The following NOL6 variants were observed in gnomAD, a reference collection of about 807,000 sequenced individuals.
NOL6 encodes nucleolar protein 6, also known as nucleolar RNA-associated protein.
NOL6 carries 33 observed loss-of-function variants against 131.7 expected under a neutral mutation model. That is an observed-to-expected ratio of 0.25 (90% confidence interval 0.19 to 0.33). The LOEUF (loss-of-function observed/expected upper bound fraction) is 0.33, where lower values mean the gene tolerates loss of function less well. Among genes scored for constraint, NOL6 ranks in the 10% least tolerant of loss-of-function variants. The pLI, the probability that NOL6 is intolerant of heterozygous loss-of-function variation, is 1.00. For missense variants in NOL6, 1,297 were observed against 1,494.5 expected (o/e 0.87, Z 2.18); for synonymous variants, 580 against 605.7 (o/e 0.96, Z 0.62).
intron 3 of NOL6, chr9:33,470,818 C>T (rs890831094): frequency 6.7e-6 from 1 of 150,110 alleles, no homozygotes; most frequent in Non-Finnish European, 1.5e-5. Flanking sequence ...AAATGGATCA[C>T]TTCACTACTT....
In NOL6 at chr9:33,462,562, T is replaced by G; in HGVS notation, c.*102A>C. 1.5e-6 allele frequency: 2 copies of G among 1,361,888 alleles called. No homozygotes were observed. The highest frequency in any genetic ancestry group is 2.7e-5 in the South Asian group (2 of 75,136). 84.4% of individuals were successfully genotyped at this position (1,361,888 alleles called of 1,614,324 possible). A position where few individuals can be genotyped will look rare whatever the true frequency, so the allele number is the denominator to read the frequency against. On this transcript the variant is annotated 3_prime_UTR_variant, in exon 26 of 26. Coordinates refer to ENST00000297990, the MANE Select transcript of NOL6 (RefSeq NM_022917.5). ...GCATGTTCAGCCAGCAGGCCCTCCA[T>G]GGAGGATTCATGTCCAAGGAGGGTG...
Position 33,468,959 on chromosome 9 carries a change from T to C in NOL6, c.1025A>G (p.Lys342Arg). 5 of 1,614,122 alleles carry C rather than the reference T, an allele frequency of 3.1e-6. No homozygotes were observed. Among genetic ancestry groups the C allele is most frequent in the Non-Finnish European group, 3.4e-6 (4 of 1,180,016 alleles). Residue 342 changes from lysine (K) to arginine (R), a missense_variant and splice_region_variant, in exon 7 of 26, where the codon AAG (lysine) becomes AGG (arginine). Coordinates refer to ENST00000297990, the MANE Select transcript of NOL6 (RefSeq NM_022917.5). ...GAGGCTGCGCCACCCCCAACTCACC[T>C]TGTCCAGCTCCCGCTGCCGCAGCCA... ...KVWLRQRELD[K>R]GQGGFTGFLV...
At position 33,464,926 on chromosome 9, in the gene NOL6, T is replaced by C. The variant is rs1231277874; in HGVS notation, c.2732A>G (p.Asp911Gly). ...LRFLFLVSTFDWKNNPLFVNL... is the reference protein window; with the variant it reads ...LRFLFLVSTFGWKNNPLFVNL... ...GACAAAGAGGGGGTTGTTCTTCCAA[T>C]CAAACGTTGATACCAAGAAAAGGAA... The change falls in exon 21 of 26, where the codon GAT (aspartate) becomes GGT (glycine). Residue 911 changes from aspartate to glycine, a missense_variant. By Grantham distance (94) the Asp-to-Gly change is moderately conservative (BLOSUM62 -1). Coordinates refer to ENST00000297990, the MANE Select transcript of NOL6 (RefSeq NM_022917.5). The C allele has an allele frequency of 3.7e-6, 6 of 1,613,822 alleles. No homozygotes were observed. In the Admixed American group the frequency reaches 1.0e-4, roughly 27 times the overall value.
At position 33,469,116 on chromosome 9, in the gene NOL6, G is replaced by A. The variant is rs1563880119; in HGVS notation, c.868C>T (p.Pro290Ser). 1 of 1,614,154 alleles carries A rather than the reference G, an allele frequency of 6.2e-7. No homozygotes were observed. The change falls in exon 7 of 26, where the codon CCA (proline) becomes TCA (serine). Residue 290 changes from proline (P) to serine (S), a missense_variant. Physicochemically the swap from Pro to Ser is moderately conservative, Grantham distance 74 (BLOSUM62 -1). Coordinates refer to ENST00000297990, the MANE Select transcript of NOL6 (RefSeq NM_022917.5). The stretch of plus-strand genomic sequence containing the variant: ...TTATAGCGGGGGGTAGGAGGCTCTG[G>A]GCTACCTGTGGGATGAAAAGGGAAG... ...RGQSPAGDGSPEPPTPRYNTW... is the reference protein window; with the variant it reads ...RGQSPAGDGSSEPPTPRYNTW...
rs200127192 is a variant in NOL6, at chr9:33,467,839, G to A, written c.1454C>T (p.Ala485Val). Residue 485 changes from alanine to valine, a missense_variant, in exon 12 of 26, where the codon GCG becomes GTG. Ala to Val is a moderately conservative substitution (Grantham distance 64). Transcript: ENST00000297990. The surrounding 1 kb of genome is among the most constrained non-coding windows in gnomAD (Gnocchi z 4.4). ...TGGCCAGAGCTTCAGCCGGTGGCACGCTGCCTGCAGGCGACTCAGTGGACG... is the reference window on the plus strand; with the variant it reads ...TGGCCAGAGCTTCAGCCGGTGGCACACTGCCTGCAGGCGACTCAGTGGACG... ...HLRPLSRLQA[A>V]CHRLKLWPEL... 1.3e-5 allele frequency: 20 copies of A among 1,596,364 alleles called. No individual in the cohort carries two copies. Among genetic ancestry groups the A allele is most frequent in the Admixed American group, 1.2e-4 (7 of 57,726 alleles).
In NOL6 at chr9:33,462,675, A is replaced by G. The variant is rs1453550719; in HGVS notation, c.3430T>C (p.Trp1144Arg). The stretch of plus-strand genomic sequence containing the variant: ...CTCCAGAGCTGGGATCACACAGTCC[A>G]CCTCTCACTTCGGGCCTCCACAGTC... Reference protein sequence around the residue: ...VQTVEARSERWTV With the variant: ...VQTVEARSERRTV The change falls in exon 26 of 26, where the codon TGG (tryptophan) becomes CGG (arginine). Residue 1144 changes from tryptophan to arginine, a missense_variant. Transcript: ENST00000297990. The G allele has an allele frequency of 1.2e-6, 2 of 1,613,800 alleles. No homozygotes were observed. Among genetic ancestry groups the G allele is most frequent in the Non-Finnish European group, 1.7e-6 (2 of 1,179,958 alleles).
Position 33,473,188 on chromosome 9 carries a change from G to A in NOL6, c.54+601C>T, listed in dbSNP as rs532372563. On this transcript the variant is annotated intron_variant, in intron 1 of 25. Transcript: ENST00000297990. Reference sequence around the variant, plus strand: ...AAATACTCACTGATGGAAGGAGCTAGAACCGACTGGACCCCAGAGGACACA... The same window carrying A: ...AAATACTCACTGATGGAAGGAGCTAAAACCGACTGGACCCCAGAGGACACA... Among the ~76,000 whole-genome samples, 3 of 152,266 alleles carry A rather than the reference G, an allele frequency of 2.0e-5. No individual in the cohort carries two copies. In the East Asian group the frequency reaches 5.8e-4, roughly 29 times the overall value.
At chr9:33,469,402 T>A (rs933621675) in intron 5 of NOL6, 61 bp from the exon 6 acceptor site, 1 of 1,610,306 alleles carries the variant, frequency 6.2e-7, no homozygotes, top group Non-Finnish European at 8.5e-7. Context: ...GGGCTCCCCA[T>A]CCTGTCCCCC....
Position 33,465,263 on chromosome 9 carries a change from G to T in NOL6, c.2625C>A (p.Ser875Arg). The T allele has an allele frequency of 6.3e-7, 1 of 1,597,698 alleles. No individual in the cohort carries two copies. Among genetic ancestry groups the T allele is most frequent in the Non-Finnish European group, 8.5e-7 (1 of 1,171,746 alleles). ...QLLGEGFADE[S>R]LDLVAAALFL... ...AAAGGGCAGCGGCCACCAGATCCAG[G>T]CTCTCATCAGCGAAACCCTCACCAA... Residue 875 changes from serine (S) to arginine (R), a missense_variant, in exon 20 of 26, where the codon AGC (serine) becomes AGA (arginine). Ser to Arg is a moderately radical substitution (Grantham distance 110). Coordinates refer to ENST00000297990, the MANE Select transcript of NOL6 (RefSeq NM_022917.5).
At chr9:33,466,505 C>G in intron 16 of NOL6, 64 bp downstream of exon 16, 2 of 1,612,124 alleles carry the variant, frequency 1.2e-6, no homozygotes, top group Non-Finnish European at 1.7e-6. Flanking sequence ...GTGGGGAATA[C>G]TGGGTGACTG....
At position 33,461,801 on chromosome 9, in the gene NOL6, A is replaced by T. The variant is rs1316345356; in HGVS notation, c.*863T>A. 5 of 205,758 alleles carry T rather than the reference A, an allele frequency of 2.4e-5. No homozygotes were observed. The highest frequency in any genetic ancestry group is 4.9e-5 in the Non-Finnish European group (5 of 101,168). 12.7% of individuals were successfully genotyped at this position (205,758 alleles called of 1,614,324 possible). On this transcript the variant is annotated 3_prime_UTR_variant, in exon 26 of 26. Transcript: ENST00000297990. ...ACAGGAAGCAGAGAGGCTACCAGAA[A>T]GTGGGTGTAGACCAGACTGAAAGGA...
intron 23 of NOL6, 129 bp from the exon 24 acceptor site, chr9:33,463,570 T>A (rs572419954): frequency 3.5e-6 from 3 of 865,936 alleles, no homozygotes; most frequent in African/African-American, 3.4e-5. Flanking sequence ...ACCTGCCCAT[T>A]TGAAGACTGA....
At position 33,470,123 on chromosome 9, in the gene NOL6, C is replaced by A; in HGVS notation, c.447G>T (p.Lys149Asn). The A allele has an allele frequency of 1.2e-6, 2 of 1,612,758 alleles. No homozygotes were observed. The highest frequency in any genetic ancestry group is 1.3e-5 in the African/African-American group (1 of 75,020). The part of the protein sequence containing the change: ...VPLHQVPYAV[K>N]GCFRFLPPAQ... ...CTGGGGGCAGGAAGCGGAAACAGCCCTTCACGGCATAGGGCACTTGGTGGA... is the reference window on the plus strand; with the variant it reads ...CTGGGGGCAGGAAGCGGAAACAGCCATTCACGGCATAGGGCACTTGGTGGA... Residue 149 changes from lysine (K) to asparagine (N), a missense_variant, in exon 4 of 26, where the codon AAG becomes AAT. Lys to Asn is a moderately conservative substitution (Grantham distance 94). Transcript: ENST00000297990.
Position 33,467,492 on chromosome 9 carries a change from T to C in NOL6, c.1627A>G (p.Lys543Glu). The C allele has an allele frequency of 6.2e-7, 1 of 1,614,160 alleles. No individual in the cohort carries two copies. Reference sequence around the variant, plus strand: ...GTCAGGGTCCCAGAGTCTTTGTGCTTTGGTGGATCTTGGCTGATGTCCCAC... The same window carrying C: ...GTCAGGGTCCCAGAGTCTTTGTGCTCTGGTGGATCTTGGCTGATGTCCCAC... ...PEWDISQDPP[K>E]HKDSGTLTLG... Residue 543 changes from lysine to glutamate, a missense_variant, in exon 13 of 26, where the codon AAG becomes GAG. Lys to Glu is a moderately conservative substitution (Grantham distance 56). Coordinates refer to ENST00000297990, the MANE Select transcript of NOL6 (RefSeq NM_022917.5). The surrounding 1 kb of genome is among the most constrained non-coding windows in gnomAD (Gnocchi z 4.4).
intron 1 of NOL6, among the ~76,000 whole-genome samples, chr9:33,473,572 G>C (rs939386221): frequency 6.6e-6 from 1 of 152,300 alleles, no homozygotes; most frequent in East Asian, 1.9e-4. Context: ...CTCCAGAAGA[G>C]AGCAGAGGCT....
Position 33,462,730 on chromosome 9 carries a change from G to C in NOL6, c.3375C>G (p.Asp1125Glu), listed in dbSNP as rs1364671749. ...CCAGGCCTTCACCCAGCACAGCAAAGTCCTCCAGGATTGCTTCAACATTGG... is the reference window on the plus strand; with the variant it reads ...CCAGGCCTTCACCCAGCACAGCAAACTCCTCCAGGATTGCTTCAACATTGG... ...MVPNVEAILE[D>E]FAVLGEGLVQ... is the part of the protein sequence containing the mutation. The change falls in exon 26 of 26, where the codon GAC becomes GAG. Residue 1125 changes from aspartate (D) to glutamate (E), a missense_variant. Asp to Glu is a conservative substitution (Grantham distance 45). Coordinates refer to ENST00000297990, the MANE Select transcript of NOL6 (RefSeq NM_022917.5). 6.2e-7 allele frequency: 1 copy of C among 1,614,044 alleles called. No homozygotes were observed. Among genetic ancestry groups the C allele is most frequent in the Non-Finnish European group, 8.5e-7 (1 of 1,180,042 alleles).
chr9:33,462,021 C>T lies in NOL6; in HGVS notation c.*643G>A, dbSNP rs928504077. 58 of 660,854 alleles carry T rather than the reference C, an allele frequency of 8.8e-5. 2 individuals are homozygous for T. The highest frequency in any genetic ancestry group is 8.2e-5 in the East Asian group (3 of 36,582). The allele number at this position is 660,854 out of a possible 1,614,324, so 40.9% of individuals were successfully genotyped here. A position where few individuals can be genotyped will look rare whatever the true frequency, so the allele number is the denominator to read the frequency against. ...CTCCAAGATTGGGTGACTACCAGTC[C>T]CCTGACCCCTTCACCTACCCAATCC... On this transcript the variant is annotated 3_prime_UTR_variant, in exon 26 of 26. Transcript: ENST00000297990.
In NOL6 at chr9:33,462,615, A is replaced by G. The variant is rs1827127671; in HGVS notation, c.*49T>C. 1 of 1,601,902 alleles carries G rather than the reference A, an allele frequency of 6.2e-7. No homozygotes were observed. The highest frequency in any genetic ancestry group is 8.5e-7 in the Non-Finnish European group (1 of 1,171,112). ...GGTCATCCTACTGACATCTTGCTCT[A>G]GAGGTCCAATGTCCTGCTGTCCGTC... On this transcript the variant is annotated 3_prime_UTR_variant, in exon 26 of 26. Coordinates refer to ENST00000297990, the MANE Select transcript of NOL6 (RefSeq NM_022917.5).
At chr9:33,464,836 A>C in intron 21 of NOL6, 43 bp downstream of exon 21, 2 of 1,416,066 alleles carry the variant, frequency 1.4e-6, no homozygotes, top group Non-Finnish European at 2.0e-6. Context: ...CAATCCATAA[A>C]GAGCTGTTCT....
Sources: gnomAD v4.1 joint callset for allele counts (sites outside exome capture counted in the v4.1 genomes callset) on GRCh38, gnomAD v4.1.1 for gene constraint, Gnocchi (gnomAD v3.1) non-coding constraint, MANE v1.5 for transcripts, NCBI Gene and HGNC (gene_info 2026-07-23, HGNC 2026-07-21) for gene names.